Variants in GRIP1 observed in about 807,000 individuals in gnomAD.
GRIP1 encodes the protein glutamate receptor-interacting protein 1.
Under a neutral mutation model 129.9 loss-of-function variants are expected in GRIP1, and 45 were observed. The observed-to-expected ratio is 0.35, with a 90% CI of 0.27 to 0.44. The LOEUF (loss-of-function observed/expected upper bound fraction) is 0.44, where lower values mean the gene tolerates loss of function less well. GRIP1 is among the 20% of genes least tolerant of loss of function. The pLI is 1.00. For missense variants in GRIP1, 1,196 were observed against 1,396.8 expected, an observed-to-expected ratio of 0.86 and a Z score of 2.29; for synonymous variants, 530 against 520.8, an observed-to-expected ratio of 1.02 and a Z score of -0.24.
chr12:66,877,599 C>T (rs11176473), intron 1 of GRIP1, among the ~76,000 whole-genome samples: 10,699 of 152,148 alleles, frequency 0.07, 471 homozygotes, highest in East Asian at 0.11. Context: ...TCTTACTTAG[C>T]ATTATTGCTC....
chr12:66,697,446 C>G (rs368698499), intron 1 of GRIP1, among the ~76,000 whole-genome samples: 1 of 152,068 alleles, frequency 6.6e-6, no homozygotes, highest in Non-Finnish European at 1.5e-5. Context: ...TTAAACAAAC[C>G]ATTTTTGATA....
At chr12:67,013,843 T>C (rs2042744997) in intron 1 of GRIP1, among the ~76,000 whole-genome samples, 1 of 152,180 alleles carries the variant, frequency 6.6e-6, no homozygotes, top group African/African-American at 2.4e-5. Context: ...TCTCCATTCC[T>C]CACTAATTGC....
At chr12:67,044,122 G>C (rs776778209) in intron 1 of GRIP1, among the ~76,000 whole-genome samples, 3 of 152,144 alleles carry the variant, frequency 2.0e-5, no homozygotes, top group Admixed American at 6.5e-5. Flanking sequence ...CTAATGCTTA[G>C]AGAAAAGCTA....
intron 1 of GRIP1, among the ~76,000 whole-genome samples, chr12:66,876,748 T>C (rs1230226571): frequency 6.6e-6 from 1 of 151,990 alleles, no homozygotes; most frequent in Non-Finnish European, 1.5e-5. Context: ...GAAGGCAGGA[T>C]CACAATGATT....
At chr12:67,066,890 A>ATATATATT (rs1170979110) in intron 1 of GRIP1, among the ~76,000 whole-genome samples, 2 of 47,576 alleles carry the variant, frequency 4.2e-5, no homozygotes, top group Non-Finnish European at 8.6e-5. Context: ...ATATATATTT[A>ATATATATT]TATATATATA....
intron 5 of GRIP1, among the ~76,000 whole-genome samples, chr12:66,525,785 T>C (rs1049137179): frequency 5.4e-4 from 82 of 152,220 alleles, no homozygotes; most frequent in Non-Finnish European, 9.7e-4. Flanking sequence ...GAAAACCCCA[T>C]CGTCTCAGCC....
At chr12:67,017,264 A>G (rs766302304) in intron 1 of GRIP1, among the ~76,000 whole-genome samples, 3 of 151,858 alleles carry the variant, frequency 2.0e-5, no homozygotes, top group African/African-American at 4.8e-5. Flanking sequence ...ATAAGTCCCC[A>G]TTTGCCAGCA....
intron 16 of GRIP1, among the ~76,000 whole-genome samples, chr12:66,401,591 T>A (rs1259884492): frequency 1.0e-4 from 4 of 38,118 alleles, no homozygotes; most frequent in African/African-American, 3.4e-4. Flanking sequence ...AAAAAAAAAA[T>A]ATGTGTGTAT....
intron 1 of GRIP1, among the ~76,000 whole-genome samples, chr12:66,606,352 T>C (rs148447210): frequency 1.3e-5 from 2 of 152,314 alleles, no homozygotes; most frequent in East Asian, 3.9e-4. Flanking sequence ...TATAATCATA[T>C]ATTTTTAGAT....
chr12:66,788,809 T>C (rs900584994), intron 1 of GRIP1, among the ~76,000 whole-genome samples: 1 of 152,150 alleles, frequency 6.6e-6, no homozygotes, highest in African/African-American at 2.4e-5. Context: ...CCCCAGCCTA[T>C]ACTTTGGTCA....
At chr12:67,054,868 G>A (rs1054472948) in intron 1 of GRIP1, among the ~76,000 whole-genome samples, 1 of 152,136 alleles carries the variant, frequency 6.6e-6, no homozygotes, top group Non-Finnish European at 1.5e-5. Context: ...CAGTAAGGAG[G>A]AGGAAAAGCA....
In GRIP1 at chr12:66,347,757, A is replaced by T. The variant is rs886049791; in HGVS notation, c.*1262T>A. 3.2e-4 allele frequency: 48 copies of T among 151,346 alleles called. No homozygotes were observed. The highest frequency in any genetic ancestry group is 1.1e-3 in the African/African-American group (47 of 41,254). The allele number at this position is 151,346 out of a possible 1,614,324, so 9.4% of individuals were successfully genotyped here. ...TTTTTTTTGCACAAAAAGAAAGGTG[A>T]TTTTTTTTTTATATTTCCTTAAACA... is the stretch of plus-strand genomic sequence containing the variant. On this transcript the variant is annotated 3_prime_UTR_variant, in exon 25 of 25. Transcript: ENST00000359742.
chr12:66,469,840 A>T (rs1327537956), intron 7 of GRIP1, among the ~76,000 whole-genome samples: 1 of 152,130 alleles, frequency 6.6e-6, no homozygotes, highest in East Asian at 1.9e-4. Context: ...ATTTTTGGAT[A>T]TCTCCTAGGA....
chr12:66,406,203 G>A, intron 16 of GRIP1, 80 bp downstream of exon 16: 1 of 1,396,698 alleles, frequency 7.2e-7, no homozygotes, highest in African/African-American at 1.4e-5. Flanking sequence ...GCTGTTGTAT[G>A]TAAAACATCA....
intron 1 of GRIP1, among the ~76,000 whole-genome samples, chr12:66,796,036 C>A (rs760719248): frequency 2.6e-5 from 4 of 152,122 alleles, no homozygotes; most frequent in Non-Finnish European, 2.9e-5. Flanking sequence ...CACTTACTAA[C>A]ACTATTCTAC....
intron 20 of GRIP1, 43 bp from the exon 21 acceptor site, chr12:66,377,328 ATTTTTT>A (rs35635542): frequency 1.9e-6 from 2 of 1,028,480 alleles, no homozygotes; most frequent in South Asian, 2.6e-5. Context: ...CTTGCCAGAC[ATTTTTT>A]TTTTTTTTTT....
chr12:66,590,738 G>A (rs910072322), intron 2 of GRIP1, among the ~76,000 whole-genome samples: 2 of 152,138 alleles, frequency 1.3e-5, no homozygotes, highest in South Asian at 4.1e-4. Flanking sequence ...GGGAACCTCT[G>A]GCTTTTCAAA....
chr12:66,784,764 T>C (rs932879708), intron 1 of GRIP1, among the ~76,000 whole-genome samples: 1 of 152,204 alleles, frequency 6.6e-6, no homozygotes, highest in Non-Finnish European at 1.5e-5. Context: ...GGGTTACGCA[T>C]GTTAGCACTA....
chr12:66,398,627 G>A (rs749665880), intron 16 of GRIP1, among the ~76,000 whole-genome samples: 1 of 151,928 alleles, frequency 6.6e-6, no homozygotes, highest in Non-Finnish European at 1.5e-5. Flanking sequence ...TTCTTCTGAT[G>A]TTTCTAAACT....
Sources: gnomAD v4.1 joint callset for allele counts (sites outside exome capture counted in the v4.1 genomes callset) on GRCh38, gnomAD v4.1.1 for gene constraint, MANE v1.5 for transcripts, NCBI Gene and HGNC (gene_info 2026-07-23, HGNC 2026-07-21) for gene names.